The following CDH6 variants were observed in gnomAD, a reference collection of about 807,000 sequenced individuals.
CDH6 encodes cadherin-6.
A neutral mutation model predicts 78.0 loss-of-function variants in CDH6; 31 were observed. The ratio of observed to expected loss-of-function variants is 0.40; its 90% confidence interval spans 0.30 to 0.54. The LOEUF is 0.54. CDH6 is among the 20% of genes least tolerant of loss of function. The pLI is 0.56. For synonymous variants in CDH6, 376 were observed against 368.8 expected, an observed-to-expected ratio of 1.02 and a Z score of -0.23; for missense variants, 724 against 975.9, an observed-to-expected ratio of 0.74 and a Z score of 3.44.
At chr5:31,251,002 G>C (rs1359421325) in intron 1 of CDH6, 2 of 152,336 alleles carry the variant, frequency 1.3e-5, no homozygotes, top group Non-Finnish European at 2.9e-5. Flanking sequence ...ATGTGATGCA[G>C]ACCTCACCAG....
intron 1 of CDH6, chr5:31,250,952 G>T (rs1326967966): frequency 6.6e-6 from 1 of 152,402 alleles, no homozygotes; most frequent in Non-Finnish European, 1.5e-5. Flanking sequence ...TCCACCACTT[G>T]AACCACCTCT....
In CDH6 at chr5:31,297,310, C is replaced by T; in HGVS notation, c.545C>T (p.Thr182Ile). ...SDVGTFVVQV[T>I]ATDADDPTYG... ...ACAGGTACATTTGTTGTCCAAGTCA[C>T]TGCGACGGATGCAGATGATCCAACA... Residue 182 changes from threonine to isoleucine, a missense_variant, in exon 4 of 12, where the codon ACT becomes ATT. Physicochemically the swap from Thr to Ile is moderately conservative, Grantham distance 89 (BLOSUM62 -1). Transcript: ENST00000265071. The T allele has an allele frequency of 1.2e-6, 2 of 1,611,358 alleles. No individual in the cohort carries two copies. Among genetic ancestry groups the T allele is most frequent in the Non-Finnish European group, 1.7e-6 (2 of 1,177,604 alleles).
intron 1 of CDH6, among the ~76,000 whole-genome samples, chr5:31,236,983 T>C (rs1741470809): frequency 6.6e-6 from 1 of 152,078 alleles, no homozygotes. Flanking sequence ...TTCACATAGA[T>C]TTGTACGTTT....
intron 7 of CDH6, among the ~76,000 whole-genome samples, chr5:31,308,426 A>T (rs1738052338): frequency 1.7e-5 from 1 of 60,318 alleles, no homozygotes. Flanking sequence ...AATACAATGA[A>T]GTCCTGAAAA....
At position 31,316,221 on chromosome 5, in the gene CDH6, A is replaced by T; in HGVS notation, c.1404A>T (p.Gln468His). Residue 468 changes from glutamine to histidine, a missense_variant, in exon 9 of 12, where the codon CAA becomes CAT. By Grantham distance (24) the Gln-to-His change is conservative. Around this residue, in one of 3 missense-constraint regions of CDH6, gnomAD observed 446 missense variants for 684.5 expected, o/e 0.65. Transcript: ENST00000265071. ...GGTTTGTGACAGATAATCCAAAGCA[A>T]AGTAGTCGAGTACCTCTATATATTA... ...VIATEINNPKQSSRVPLYIKV... is the reference protein window; with the variant it reads ...VIATEINNPKHSSRVPLYIKV... 2 of 1,607,736 alleles carry T rather than the reference A, an allele frequency of 1.2e-6. No individual in the cohort carries two copies. Among genetic ancestry groups the T allele is most frequent in the Non-Finnish European group, 1.7e-6 (2 of 1,178,248 alleles).
At chr5:31,198,579 G>C (rs1462893574) in intron 1 of CDH6, among the ~76,000 whole-genome samples, 2 of 152,002 alleles carry the variant, frequency 1.3e-5, no homozygotes. Context: ...GGTAGGTCTG[G>C]CCAAAAGATA....
intron 2 of CDH6, among the ~76,000 whole-genome samples, chr5:31,292,789 A>G (rs77284356): frequency 2.4e-5 from 3 of 124,136 alleles, no homozygotes; most frequent in African/African-American, 5.9e-5. Context: ...GTGTATATGT[A>G]TATATATGTG....
chr5:31,270,147 C>CAACAAGT (rs1742480849), intron 2 of CDH6, among the ~76,000 whole-genome samples: 1 of 152,138 alleles, frequency 6.6e-6, no homozygotes. Flanking sequence ...TTTAATTTAT[C>CAACAAGT]TGGGATAAAA....
In CDH6 at chr5:31,297,334, C is replaced by T. The variant is rs1267022011; in HGVS notation, c.569C>T (p.Thr190Ile). The stretch of plus-strand genomic sequence containing the variant: ...ACTGCGACGGATGCAGATGATCCAA[C>T]ATATGGGAACAGTGCTAAAGTTGTC... ...QVTATDADDPTYGNSAKVVYS... is the reference protein window; with the variant it reads ...QVTATDADDPIYGNSAKVVYS... The change falls in exon 4 of 12, where the codon ACA becomes ATA. Residue 190 changes from threonine (T) to isoleucine (I), a missense_variant. Thr to Ile is a moderately conservative substitution (Grantham distance 89). Transcript: ENST00000265071. The T allele has an allele frequency of 1.2e-6, 2 of 1,609,176 alleles. No homozygotes were observed. The highest frequency in any genetic ancestry group is 2.2e-5 in the South Asian group (2 of 90,962).
At chr5:31,302,957 A>AAGAAAGAAAGAG (rs1737865006) in intron 6 of CDH6, among the ~76,000 whole-genome samples, 1 of 119,604 alleles carries the variant, frequency 8.4e-6, no homozygotes, top group African/African-American at 2.8e-5. Flanking sequence ...GAAAGAAAGA[A>AAGAAAGAAAGAG]GGAAAGAAAA....
chr5:31,269,281 A>G (rs77625607), intron 2 of CDH6, among the ~76,000 whole-genome samples: 2 of 102,360 alleles, frequency 2.0e-5, no homozygotes, highest in East Asian at 3.7e-4. Flanking sequence ...AAAAAAAAAA[A>G]GCGGGGGGGG....
At chr5:31,290,980 C>G (rs550806334) in intron 2 of CDH6, among the ~76,000 whole-genome samples, 2 of 152,124 alleles carry the variant, frequency 1.3e-5, no homozygotes, top group Non-Finnish European at 2.9e-5. Flanking sequence ...GGTGTTTGTT[C>G]TATAAGTCAT....
intron 2 of CDH6, among the ~76,000 whole-genome samples, chr5:31,281,785 T>A (rs1255645808): frequency 3.3e-5 from 5 of 152,186 alleles, no homozygotes; most frequent in Admixed American, 6.6e-5. Flanking sequence ...CAGAAATGTT[T>A]ATAATCAGTG....
chr5:31,293,192 A>G (rs1190910855), intron 2 of CDH6, among the ~76,000 whole-genome samples: 1 of 151,994 alleles, frequency 6.6e-6, no homozygotes, highest in African/African-American at 2.4e-5. Flanking sequence ...AAGACAGACT[A>G]TTTCAATTTT....
intron 2 of CDH6, among the ~76,000 whole-genome samples, chr5:31,278,042 A>C (rs1742746841): frequency 6.6e-6 from 1 of 152,154 alleles, no homozygotes; most frequent in Admixed American, 6.5e-5. Flanking sequence ...TTTAAGATCT[A>C]TTCCCTTAGC....
chr5:31,302,064 A>T, intron 5 of CDH6, 47 bp from the exon 6 acceptor site: 1 of 1,298,754 alleles, frequency 7.7e-7, no homozygotes, highest in South Asian at 1.5e-5. Flanking sequence ...TGATGATAAG[A>T]GTGTGGTTAG....
chr5:31,294,213 C>G lies in CDH6; in HGVS notation c.480C>G (p.Thr160=). The G allele has an allele frequency of 6.2e-7, 1 of 1,613,838 alleles. No homozygotes were observed. The highest frequency in any genetic ancestry group is 1.7e-4 in the Middle Eastern group (1 of 6,056). Residue 160 remains threonine (T), a synonymous_variant, in exon 3 of 12, where the codon ACC becomes ACG. Coordinates refer to ENST00000265071, the MANE Select transcript of CDH6 (RefSeq NM_004932.4). The surrounding 1 kb of genome is among the most constrained non-coding windows in gnomAD (Gnocchi z 4.1). The part of the protein sequence containing the change: ...HDINDNEPIF[T]KEVYTATVPE... ...TCAATGACAATGAACCAATATTCAC[C>G]AAGGAGGTTTACACAGCCACTGTCC...
At chr5:31,195,393 G>A (rs944057611) in intron 1 of CDH6, among the ~76,000 whole-genome samples, 1 of 152,278 alleles carries the variant, frequency 6.6e-6, no homozygotes, top group Non-Finnish European at 1.5e-5. Context: ...TAACAAATAT[G>A]CTTATATGAA....
chr5:31,216,350 G>A (rs543850262), intron 1 of CDH6, among the ~76,000 whole-genome samples: 92 of 152,058 alleles, frequency 6.1e-4, no homozygotes, highest in African/African-American at 2.2e-3. Flanking sequence ...CTTTTGTGTG[G>A]CCTGCAGGCT....
Sources: gnomAD v4.1 joint callset for allele counts (sites outside exome capture counted in the v4.1 genomes callset) on GRCh38, gnomAD v4.1.1 for gene constraint, gnomAD v4.1.1 regional missense constraint, Gnocchi (gnomAD v3.1) non-coding constraint, MANE v1.5 for transcripts, NCBI Gene and HGNC (gene_info 2026-07-23, HGNC 2026-07-21) for gene names.